EXOG: variants seen among roughly 807,000 people sequenced by gnomAD.
The protein encoded by EXOG is exo/endonuclease G.
Under a neutral mutation model 25.8 loss-of-function variants are expected in EXOG, and 27 were observed. That is an observed-to-expected ratio of 1.05 (90% CI 0.77 to 1.45). The LOEUF (loss-of-function observed/expected upper bound fraction) is 1.45. Ranked by LOEUF, EXOG falls within the 40% of genes most tolerant of loss-of-function variation. EXOG has a pLI of 0.00. For missense variants in EXOG, 458 were observed against 450.5 expected (o/e 1.02, Z -0.15); for synonymous variants, 133 against 167.0 (o/e 0.80, Z 1.57).
In EXOG at chr3:38,524,892, CTG is replaced by C; in HGVS notation, c.*533_*534del. 1.0e-6 allele frequency: 1 copy of C among 985,914 alleles called. No homozygotes were observed. The highest frequency in any genetic ancestry group is 1.2e-6 in the Non-Finnish European group (1 of 830,366). The allele number at this position is 985,914 out of a possible 1,614,324, so 61.1% of individuals were successfully genotyped here. A position where few individuals can be genotyped will look rare whatever the true frequency, so the allele number is the denominator to read the frequency against. The stretch of plus-strand genomic sequence containing the variant: ...TTCATGCCTCCAAACCATGCATTGT[CTG>C]TGATGTATCTGCCCAGCCTTCTCAG... On this transcript the variant is annotated 3_prime_UTR_variant, in exon 6 of 6. Transcript: ENST00000287675.
Position 38,524,217 on chromosome 3 carries a change from C to G in EXOG, c.962C>G (p.Ser321Ter). The G allele has an allele frequency of 1.9e-6, 3 of 1,614,044 alleles. No individual in the cohort carries two copies. Among genetic ancestry groups the G allele is most frequent in the Middle Eastern group, 1.7e-4 (1 of 6,060 alleles). ...LSTRKIEGAR[S>*]VLRLEKIMEN... ...ACAAGAAAGATTGAAGGAGCCCGAT[C>G]AGTGCTCAGACTGGAAAAGATCATG... Residue 321 changes from serine (S) to a stop codon, truncating the protein, a stop_gained, in exon 6 of 6, where the codon TCA (serine) becomes TGA (stop). Transcript: ENST00000287675. LOFTEE classifies it low-confidence loss of function (END_TRUNC).
At chr3:38,497,603 C>G (rs758973838) in intron 1 of EXOG, 26 bp from the exon 2 acceptor site, 2 of 1,504,126 alleles carry the variant, frequency 1.3e-6, no homozygotes, top group Middle Eastern at 1.9e-4. Flanking sequence ...CTCTGCCCCC[C>G]CTTTTTTTTT....
rs116957441 is a variant in EXOG, at chr3:38,508,250, G to A, written c.645+1282G>A. Among the ~76,000 whole-genome samples the A allele has an allele frequency of 3.3e-5, 5 of 152,262 alleles. No homozygotes were observed. The East Asian group carries it at 9.6e-4, about 29-fold the overall frequency. On this transcript the variant is annotated intron_variant, in intron 5 of 5. Transcript: ENST00000287675. ...TTCTTTTTTTTAATATGCAAGATATGTGAGCACTTTTATAGACTGAAAGAG... is the reference window on the plus strand; with the variant it reads ...TTCTTTTTTTTAATATGCAAGATATATGAGCACTTTTATAGACTGAAAGAG...
intron 5 of EXOG, among the ~76,000 whole-genome samples, chr3:38,520,358 A>G (rs2060677088): frequency 6.6e-6 from 1 of 152,240 alleles, no homozygotes; most frequent in Non-Finnish European, 1.5e-5. Flanking sequence ...TTTTTGCTAC[A>G]GTCTTGAGTA....
Position 38,523,402 on chromosome 3 carries a change from C to T in EXOG, c.646-499C>T, listed in dbSNP as rs1352664842. 19 of 857,810 alleles carry T rather than the reference C, an allele frequency of 2.2e-5. No homozygotes were observed. In the East Asian group the frequency reaches 6.0e-4, roughly 27 times the overall value. 53.1% of individuals were successfully genotyped at this position (857,810 alleles called of 1,614,324 possible). A position where few individuals can be genotyped will look rare whatever the true frequency, so the allele number is the denominator to read the frequency against. The stretch of plus-strand genomic sequence containing the variant: ...TTTTTGAGGTGGAGTCTTGCTCTGT[C>T]GGCCAGGCTGGAGTGCAGTGGTGCA... On this transcript the variant is annotated intron_variant, in intron 5 of 5. Coordinates refer to ENST00000287675, the MANE Select transcript of EXOG (RefSeq NM_005107.4).
At position 38,523,995 on chromosome 3, in the gene EXOG, G is replaced by A; in HGVS notation, c.740G>A (p.Gly247Glu). 1.2e-6 allele frequency: 2 copies of A among 1,613,966 alleles called. No homozygotes were observed. The highest frequency in any genetic ancestry group is 1.7e-6 in the Non-Finnish European group (2 of 1,179,886). ...GTATCTACCGAACCACTGGCGCTAG[G>A]GGCCTTTGTGGTACCCAATGAAGCC... ...SSVSTEPLAL[G>E]AFVVPNEAIG... is the part of the protein sequence containing the mutation. Residue 247 changes from glycine (G) to glutamate (E), a missense_variant, in exon 6 of 6, where the codon GGG becomes GAG. By Grantham distance (98) the Gly-to-Glu change is moderately conservative. Transcript: ENST00000287675.
chr3:38,502,049 A>T (rs1394011805), intron 3 of EXOG, among the ~76,000 whole-genome samples: 1 of 152,048 alleles, frequency 6.6e-6, no homozygotes, highest in Admixed American at 6.6e-5. Context: ...CAGCCTCCCG[A>T]GTAGCTGGGA....
chr3:38,525,116 A>G lies in EXOG; in HGVS notation c.*754A>G, dbSNP rs1362539205. 4.2e-6 allele frequency: 4 copies of G among 954,000 alleles called. No homozygotes were observed. In the East Asian group the frequency reaches 4.6e-4, roughly 110 times the overall value. 59.1% of individuals were successfully genotyped at this position (954,000 alleles called of 1,614,324 possible). On this transcript the variant is annotated 3_prime_UTR_variant, in exon 6 of 6. Coordinates refer to ENST00000287675, the MANE Select transcript of EXOG (RefSeq NM_005107.4). ...AGTTTCTGCTCATTAAATGTGTTCTATATACTAGGCTCAGTGCTTTACATG... is the reference window on the plus strand; with the variant it reads ...AGTTTCTGCTCATTAAATGTGTTCTGTATACTAGGCTCAGTGCTTTACATG...
chr3:38,501,133 T>C (rs1251003252), intron 2 of EXOG: 1 of 385,282 alleles, frequency 2.6e-6, no homozygotes. Flanking sequence ...CAAAATTATA[T>C]GAGATAGCTA....
chr3:38,504,525 T>C (rs2060142058), intron 4 of EXOG, among the ~76,000 whole-genome samples: 1 of 152,058 alleles, frequency 6.6e-6, no homozygotes, highest in South Asian at 2.1e-4. Flanking sequence ...AACCTCCGCC[T>C]CCCGGGTTCA....
chr3:38,524,728 A>G lies in EXOG; in HGVS notation c.*366A>G. ...TTTTTGTCAGTATTATATTTGACTC[A>G]GGAACTAATTATTAAGGGAGCTTTG... On this transcript the variant is annotated 3_prime_UTR_variant, in exon 6 of 6. Transcript: ENST00000287675. 1.0e-5 allele frequency: 10 copies of G among 996,882 alleles called. No homozygotes were observed. Among genetic ancestry groups the G allele is most frequent in the Non-Finnish European group, 1.2e-5 (10 of 837,656 alleles). The allele number at this position is 996,882 out of a possible 1,614,324, so 61.8% of individuals were successfully genotyped here.
At chr3:38,504,990 G>T (rs2060160382) in intron 4 of EXOG, among the ~76,000 whole-genome samples, 1 of 152,114 alleles carries the variant, frequency 6.6e-6, no homozygotes, top group South Asian at 2.1e-4. Flanking sequence ...GCCCCACTCA[G>T]ATTATTTTTA....
chr3:38,519,190 T>C (rs1026169577), intron 5 of EXOG: 3 of 152,182 alleles, frequency 2.0e-5, no homozygotes, highest in Non-Finnish European at 2.9e-5. Flanking sequence ...TAAGGGAAGA[T>C]TCGTAGCAGT....
At chr3:38,496,657 G>A (rs900527176) in intron 1 of EXOG, 127 bp downstream of exon 1, 3 of 1,464,054 alleles carry the variant, frequency 2.0e-6, no homozygotes, top group Non-Finnish European at 2.7e-6. Context: ...CTGGCCCTTG[G>A]TTTCTGACCT....
At chr3:38,503,591 G>T in intron 3 of EXOG, 24 bp from the exon 4 acceptor site, 1 of 1,365,012 alleles carries the variant, frequency 7.3e-7, no homozygotes. Context: ...TTCAGTGCAA[G>T]TTACTATGTT....
intron 3 of EXOG, 63 bp downstream of exon 3, chr3:38,501,557 A>G: frequency 6.7e-7 from 1 of 1,481,688 alleles, no homozygotes; most frequent in South Asian, 1.2e-5. Context: ...AACAGGAATT[A>G]GAGGTTTAAA....
intron 5 of EXOG, among the ~76,000 whole-genome samples, chr3:38,510,142 C>G (rs564102406): frequency 1.6e-4 from 25 of 152,228 alleles, no homozygotes; most frequent in African/African-American, 5.8e-4. Context: ...ATGCACTGAG[C>G]AGGATAAAAT....
At position 38,525,227 on chromosome 3, in the gene EXOG, T is replaced by TAG; in HGVS notation, c.*866_*867insGA. 1 of 982,984 alleles carries TAG rather than the reference T, an allele frequency of 1.0e-6. No homozygotes were observed. The highest frequency in any genetic ancestry group is 1.2e-6 in the Non-Finnish European group (1 of 827,706). 60.9% of individuals were successfully genotyped at this position (982,984 alleles called of 1,614,324 possible). On this transcript the variant is annotated 3_prime_UTR_variant, in exon 6 of 6. Transcript: ENST00000287675. ...TTGAGGCTTAGAGAGCTTAGTGTCT[T>TAG]ACCTGAGTTTCACTTTTCCAAAGTA... is the stretch of plus-strand genomic sequence containing the variant.
At chr3:38,503,069 G>C (rs1398159394) in intron 3 of EXOG, among the ~76,000 whole-genome samples, 1 of 152,162 alleles carries the variant, frequency 6.6e-6, no homozygotes, top group Admixed American at 6.5e-5. Flanking sequence ...GATTGAGAGC[G>C]ACTGCTTGAA....
Sources: gnomAD v4.1 joint callset for allele counts (sites outside exome capture counted in the v4.1 genomes callset) on GRCh38, gnomAD v4.1.1 for gene constraint, MANE v1.5 for transcripts, NCBI Gene and HGNC (gene_info 2026-07-23, HGNC 2026-07-21) for gene names.